The following KDM1B variants were observed in gnomAD, a reference collection of about 807,000 sequenced individuals.
KDM1B encodes lysine demethylase 1B, also known as lysine-specific histone demethylase 2.
Under a neutral mutation model 107.4 loss-of-function variants are expected in KDM1B, and 63 were observed. The observed-to-expected ratio is 0.59, with a 90% CI of 0.48 to 0.72. KDM1B has a LOEUF of 0.72. Ranked by LOEUF, KDM1B falls within the 30% of genes least tolerant of loss-of-function variation. The pLI is 0.00. For synonymous variants in KDM1B, 363 were observed against 363.9 expected (o/e 1.00, Z 0.03); for missense variants, 749 against 1,020.8 (o/e 0.73, Z 3.63).
rs1561953451 is a variant in KDM1B, at chr6:18,212,467, A to T, written c.1867-21A>T. 1.4e-6 allele frequency: 2 copies of T among 1,403,020 alleles called. No homozygotes were observed. The highest frequency in any genetic ancestry group is 1.8e-4 in the Middle Eastern group (1 of 5,668). 86.9% of individuals were successfully genotyped at this position (1,403,020 alleles called of 1,614,324 possible). ...AGGTTCTGTTGCTGTTTGTTTGTTA[A>T]CTGTTAATTATTTTCCACAGGTATT... is the stretch of plus-strand genomic sequence containing the variant. On this transcript the variant is annotated intron_variant, in intron 17 of 21. Coordinates refer to ENST00000650836, the MANE Select transcript of KDM1B (RefSeq NM_001364614.2). The surrounding 1 kb of genome is among the most constrained non-coding windows in gnomAD (Gnocchi z 5.2).
At chr6:18,173,372 T>C (rs1350532885) in intron 7 of KDM1B, among the ~76,000 whole-genome samples, 2 of 152,180 alleles carry the variant, frequency 1.3e-5, no homozygotes, top group Non-Finnish European at 1.5e-5. Flanking sequence ...TTTTTTTAAA[T>C]TGGGTTTTAT....
chr6:18,189,480 G>A (rs1484988250), intron 9 of KDM1B, among the ~76,000 whole-genome samples: 1 of 152,214 alleles, frequency 6.6e-6, no homozygotes, highest in African/African-American at 2.4e-5. Flanking sequence ...TAAATCCAAA[G>A]ATAGGTACAA....
At chr6:18,164,755 C>T (rs1488919810) in intron 5 of KDM1B, among the ~76,000 whole-genome samples, 4 of 151,738 alleles carry the variant, frequency 2.6e-5, no homozygotes, top group East Asian at 2.0e-4. Context: ...AAGTGATTCT[C>T]GTGCCTCAGC....
chr6:18,167,437 A>G (rs768547255), intron 6 of KDM1B, among the ~76,000 whole-genome samples: 37 of 151,924 alleles, frequency 2.4e-4, no homozygotes, highest in African/African-American at 7.7e-4. Flanking sequence ...TCATTATTGC[A>G]TATATTGTTG....
intron 3 of KDM1B, among the ~76,000 whole-genome samples, chr6:18,160,579 A>G (rs1784900747): frequency 6.6e-6 from 1 of 151,714 alleles, no homozygotes. Context: ...TCTACTAAAT[A>G]TGCAAAAAAT....
intron 2 of KDM1B, among the ~76,000 whole-genome samples, chr6:18,157,584 C>A (rs907472381): frequency 6.6e-6 from 1 of 151,920 alleles, no homozygotes. Context: ...ATAATACTTA[C>A]ATATACTATA....
rs1333502564 is a variant in KDM1B, at chr6:18,212,874, CT to C, written c.1983+276del. ...TTGGTATAAGCAATTCTTTTATCCC[CT>C]TTTTTCCCCCCTTCTGCTTTCTTTC... On this transcript the variant is annotated intron_variant, in intron 18 of 21. Coordinates refer to ENST00000650836, the MANE Select transcript of KDM1B (RefSeq NM_001364614.2). This position sits in a 1 kb window ranked among gnomAD's most constrained non-coding sequence, Gnocchi z 5.2. 2.0e-5 allele frequency among the ~76,000 whole-genome samples: 3 copies of C among 152,094 alleles called. No individual in the cohort carries two copies. Among genetic ancestry groups the C allele is most frequent in the South Asian group, 2.1e-4 (1 of 4,824 alleles).
chr6:18,208,601 A>ATGTG (rs200698143), intron 17 of KDM1B, among the ~76,000 whole-genome samples: 613 of 37,928 alleles, frequency 0.016, 66 homozygotes, highest in Non-Finnish European at 0.018. Flanking sequence ...AAGTATGTGT[A>ATGTG]TGTATATATA....
chr6:18,184,736 CTTTTTTTTTTTT>C lies in KDM1B; in HGVS notation c.535-1023_535-1012del, dbSNP rs58897300. 1.7e-3 allele frequency among the ~76,000 whole-genome samples: 112 copies of C among 65,472 alleles called. 2 individuals carry two copies. The highest frequency in any genetic ancestry group is 0.013 in the South Asian group (23 of 1,732). 43.0% of individuals were successfully genotyped at this position (65,472 alleles called of 152,430 possible). A position where few individuals can be genotyped will look rare whatever the true frequency, so the allele number is the denominator to read the frequency against. ...CTTTGGGTTGTTTCTAGCTTTTTTC[CTTTTTTTTTTTT>C]TTTTTTTTTTTTAAGACAAGGTCTC... On this transcript the variant is annotated intron_variant, in intron 7 of 21. Coordinates refer to ENST00000650836, the MANE Select transcript of KDM1B (RefSeq NM_001364614.2).
chr6:18,207,300 C>G (rs1582193697), intron 15 of KDM1B, 98 bp from the exon 16 acceptor site: 10 of 1,369,570 alleles, frequency 7.3e-6, no homozygotes, highest in Non-Finnish European at 1.0e-5. Flanking sequence ...TGCCCTCCTG[C>G]CTTGGTGGCT....
intron 2 of KDM1B, among the ~76,000 whole-genome samples, chr6:18,157,450 T>C (rs1784695848): frequency 6.6e-6 from 1 of 152,332 alleles, no homozygotes; most frequent in South Asian, 2.1e-4. Context: ...TGATGAAATT[T>C]CAGGAAACTA....
chr6:18,158,707 T>C (rs1018350350), intron 2 of KDM1B, among the ~76,000 whole-genome samples: 14 of 152,234 alleles, frequency 9.2e-5, no homozygotes, highest in African/African-American at 3.1e-4. Context: ...TGAGTACTTA[T>C]GCTAAGCATT....
Position 18,172,788 on chromosome 6 carries a change from AATAAAAAC to A in KDM1B, c.534+1313_534+1320del, listed in dbSNP as rs1190349739. Among the ~76,000 whole-genome samples the A allele has an allele frequency of 2.5e-4, 38 of 152,044 alleles. No homozygotes were observed. The highest frequency in any genetic ancestry group is 8.7e-4 in the African/African-American group (36 of 41,418). ...GTGCCTGGCCTATTCGTTTCTTATGAATAAAAACATATTAGGAGTGGTTGGGCGCGGTG... is the reference window on the plus strand; with the variant it reads ...GTGCCTGGCCTATTCGTTTCTTATGAATATTAGGAGTGGTTGGGCGCGGTG... On this transcript the variant is annotated intron_variant, in intron 7 of 21. Transcript: ENST00000650836. The surrounding 1 kb of genome is among the most constrained non-coding windows in gnomAD (Gnocchi z 5.2).
chr6:18,174,503 T>C (rs1785864519), intron 7 of KDM1B, among the ~76,000 whole-genome samples: 1 of 152,054 alleles, frequency 6.6e-6, no homozygotes, highest in African/African-American at 2.4e-5. Context: ...GGGGTACAGG[T>C]GGTGTTTGGT....
intron 5 of KDM1B, among the ~76,000 whole-genome samples, chr6:18,165,514 T>C (rs1161225228): frequency 1.3e-5 from 2 of 152,142 alleles, no homozygotes; most frequent in African/African-American, 4.8e-5. Flanking sequence ...CCCTAGGATT[T>C]ACTACATACA....
intron 10 of KDM1B, among the ~76,000 whole-genome samples, chr6:18,192,810 A>G (rs1408353679): frequency 6.7e-6 from 1 of 149,904 alleles, no homozygotes; most frequent in Admixed American, 6.7e-5. Context: ...TTTCTGTTTG[A>G]CTTTGAAATT....
chr6:18,156,999 C>T (rs756910904), intron 2 of KDM1B, among the ~76,000 whole-genome samples: 6 of 152,072 alleles, frequency 3.9e-5, no homozygotes, highest in Non-Finnish European at 7.4e-5. Flanking sequence ...ATTGATATAT[C>T]CACTTATATA....
At chr6:18,215,484 GTGTC>G (rs1324365783) in intron 20 of KDM1B, among the ~76,000 whole-genome samples, 1 of 152,124 alleles carries the variant, frequency 6.6e-6, no homozygotes, top group Non-Finnish European at 1.5e-5. Flanking sequence ...CCCTCTGTGT[GTGTC>G]TGTGTCCTCA....
At chr6:18,161,992 C>A (rs1446352305) in intron 4 of KDM1B, among the ~76,000 whole-genome samples, 1 of 151,130 alleles carries the variant, frequency 6.6e-6, no homozygotes, top group African/African-American at 2.4e-5. Context: ...GGTTAAGGTT[C>A]AATAAAATCG....
Sources: gnomAD v4.1 joint callset for allele counts (sites outside exome capture counted in the v4.1 genomes callset) on GRCh38, gnomAD v4.1.1 for gene constraint, Gnocchi (gnomAD v3.1) non-coding constraint, MANE v1.5 for transcripts, NCBI Gene and HGNC (gene_info 2026-07-23, HGNC 2026-07-21) for gene names.